Variants in SH3PXD2A observed in about 807,000 individuals in gnomAD.
SH3PXD2A encodes the protein SH3 and PX domains 2A, also known as SH3 and PX domain-containing protein 2A.
Under a neutral mutation model 115.2 loss-of-function variants are expected in SH3PXD2A, and 32 were observed. The ratio of observed to expected loss-of-function variants is 0.28; its 90% CI spans 0.21 to 0.37. The LOEUF is 0.37. Among genes scored for constraint, SH3PXD2A ranks in the 10% least tolerant of loss-of-function variants. SH3PXD2A has a pLI of 1.00. For synonymous variants in SH3PXD2A, 610 were observed against 629.1 expected, an observed-to-expected ratio of 0.97 and a Z score of 0.45; for missense variants, 1,328 against 1,498.7, an observed-to-expected ratio of 0.89 and a Z score of 1.88.
intron 13 of SH3PXD2A, among the ~76,000 whole-genome samples, chr10:103,610,415 G>A (rs537491581): frequency 2.6e-5 from 4 of 152,366 alleles, no homozygotes; most frequent in Non-Finnish European, 4.4e-5. Flanking sequence ...CCGTGGCTAG[G>A]AGAGATGGTT....
chr10:103,762,014 C>CTTTTTTTT (rs79615908), intron 3 of SH3PXD2A, among the ~76,000 whole-genome samples: 1,825 of 90,512 alleles, frequency 0.02, 192 homozygotes, highest in Non-Finnish European at 0.03. Context: ...ATCAACACGT[C>CTTTTTTTT]TTTTTTTTTT....
chr10:103,652,217 G>A (rs1054790057), intron 8 of SH3PXD2A, among the ~76,000 whole-genome samples: 1 of 152,200 alleles, frequency 6.6e-6, no homozygotes, highest in African/African-American at 2.4e-5. Context: ...AATCATGCAC[G>A]GCATATTTCA....
intron 3 of SH3PXD2A, among the ~76,000 whole-genome samples, chr10:103,766,492 G>T (rs1338753973): frequency 6.6e-6 from 1 of 152,006 alleles, no homozygotes; most frequent in Non-Finnish European, 1.5e-5. Context: ...TACACACCTC[G>T]GTATAGAGAT....
chr10:103,645,293 G>A (rs1197204086), intron 8 of SH3PXD2A, among the ~76,000 whole-genome samples: 2 of 152,142 alleles, frequency 1.3e-5, no homozygotes, highest in East Asian at 1.9e-4. Context: ...TCTTCCTGCC[G>A]GCCCCCGCAA....
chr10:103,745,485 T>G (rs1055523872), intron 3 of SH3PXD2A, among the ~76,000 whole-genome samples: 20 of 152,332 alleles, frequency 1.3e-4, no homozygotes, highest in African/African-American at 4.6e-4. Flanking sequence ...CAGTAATGTC[T>G]AATGCAAAGG....
chr10:103,732,953 T>C (rs1309011086), intron 4 of SH3PXD2A, among the ~76,000 whole-genome samples: 3 of 152,204 alleles, frequency 2.0e-5, no homozygotes, highest in African/African-American at 4.8e-5. Flanking sequence ...GCAGTGGCCA[T>C]GGACTTGTCC....
intron 2 of SH3PXD2A, among the ~76,000 whole-genome samples, chr10:103,797,381 C>T (rs1329298171): frequency 6.6e-6 from 1 of 152,086 alleles, no homozygotes; most frequent in Non-Finnish European, 1.5e-5. Flanking sequence ...GAGCAGTTAC[C>T]AGGTGATCGG....
Position 103,620,456 on chromosome 10 carries a change from C to T in SH3PXD2A, c.802+2014G>A, listed in dbSNP as rs149983951. 9.2e-5 allele frequency among the ~76,000 whole-genome samples: 14 copies of T among 152,326 alleles called. No individual in the cohort carries two copies. The highest frequency in any genetic ancestry group is 3.9e-4 in the East Asian group (2 of 5,180). ...TCTCCCCACTCCCTTCCTGCCCCCA[C>T]GACTTACCCAACCCCACTGAGAGAG... On this transcript the variant is annotated intron_variant, in intron 10 of 14. Coordinates refer to ENST00000369774, the MANE Select transcript of SH3PXD2A (RefSeq NM_001394015.1). The surrounding 1 kb of genome is among the most constrained non-coding windows in gnomAD (Gnocchi z 5.3).
chr10:103,667,538 G>A (rs1210428068), intron 7 of SH3PXD2A, among the ~76,000 whole-genome samples: 1 of 152,208 alleles, frequency 6.6e-6, no homozygotes, highest in East Asian at 1.9e-4. Flanking sequence ...GGAAACTCCA[G>A]AAGGAGATTG....
At chr10:103,657,958 T>C (rs1300820360) in intron 8 of SH3PXD2A, among the ~76,000 whole-genome samples, 1 of 152,214 alleles carries the variant, frequency 6.6e-6, no homozygotes, top group Non-Finnish European at 1.5e-5. Context: ...ATGACCTCTG[T>C]TGAGGGGAGA....
intron 2 of SH3PXD2A, among the ~76,000 whole-genome samples, chr10:103,787,816 C>T (rs1165147042): frequency 6.6e-6 from 1 of 152,186 alleles, no homozygotes; most frequent in East Asian, 1.9e-4. Context: ...CAAGGTATAC[C>T]TAAATGGACC....
intron 3 of SH3PXD2A, among the ~76,000 whole-genome samples, chr10:103,759,568 G>A (rs1042912636): frequency 6.6e-6 from 1 of 152,216 alleles, no homozygotes; most frequent in Non-Finnish European, 1.5e-5. Context: ...AGGGAGTGCA[G>A]CTCTTTTTGC....
intron 6 of SH3PXD2A, among the ~76,000 whole-genome samples, chr10:103,687,282 A>G (rs991041783): frequency 6.6e-6 from 1 of 152,078 alleles, no homozygotes; most frequent in Non-Finnish European, 1.5e-5. Flanking sequence ...CAGCCCCCAC[A>G]ATTGTGTAAG....
At chr10:103,652,563 T>C (rs933403063) in intron 8 of SH3PXD2A, among the ~76,000 whole-genome samples, 5 of 152,104 alleles carry the variant, frequency 3.3e-5, no homozygotes, top group African/African-American at 1.2e-4. Context: ...GGGGAGAGAA[T>C]GAGGAAGGGG....
intron 3 of SH3PXD2A, among the ~76,000 whole-genome samples, chr10:103,751,372 C>T (rs937259053): frequency 1.3e-5 from 2 of 152,186 alleles, no homozygotes; most frequent in African/African-American, 4.8e-5. Context: ...ATGTGCCAGA[C>T]ACTATTTTAA....
chr10:103,639,869 T>C (rs1592276768), intron 8 of SH3PXD2A, among the ~76,000 whole-genome samples: 1 of 151,324 alleles, frequency 6.6e-6, no homozygotes, highest in Admixed American at 6.6e-5. Flanking sequence ...GATGGAAGAG[T>C]GGCAGTCAGG....
intron 1 of SH3PXD2A, among the ~76,000 whole-genome samples, chr10:103,819,280 C>T (rs1218109379): frequency 2.6e-5 from 4 of 152,158 alleles, no homozygotes; most frequent in African/African-American, 4.8e-5. Flanking sequence ...CAGGGAACCC[C>T]AGGAGAGGCA....
intron 1 of SH3PXD2A, among the ~76,000 whole-genome samples, chr10:103,835,993 A>G (rs1296238913): frequency 6.6e-6 from 1 of 152,180 alleles, no homozygotes; most frequent in East Asian, 1.9e-4. Flanking sequence ...AGGCTGGTCA[A>G]ATCCCAGTAC....
chr10:103,773,260 G>A (rs2038847413), intron 2 of SH3PXD2A, among the ~76,000 whole-genome samples: 1 of 150,948 alleles, frequency 6.6e-6, no homozygotes, highest in East Asian at 1.9e-4. Context: ...AAGAGACAAG[G>A]CCACCCAGTC....
Sources: gnomAD v4.1 joint callset for allele counts (sites outside exome capture counted in the v4.1 genomes callset) on GRCh38, gnomAD v4.1.1 for gene constraint, Gnocchi (gnomAD v3.1) non-coding constraint, MANE v1.5 for transcripts, NCBI Gene and HGNC (gene_info 2026-07-23, HGNC 2026-07-21) for gene names.